Variants in LRBA observed in about 807,000 individuals in gnomAD.
The protein encoded by LRBA is lipopolysaccharide-responsive and beige-like anchor protein.
LRBA carries 176 observed loss-of-function variants against 330.0 expected under a neutral mutation model. The observed-to-expected ratio is 0.53, with a 90% CI of 0.47 to 0.60. The LOEUF (loss-of-function observed/expected upper bound fraction) is 0.60. LRBA is among the 20% of genes least tolerant of loss of function. The pLI is 0.00. For synonymous variants in LRBA, 1,230 were observed against 1,193.0 expected, an observed-to-expected ratio of 1.03 and a Z score of -0.64; for missense variants, 3,259 against 3,444.8, an observed-to-expected ratio of 0.95 and a Z score of 1.35.
intron 28 of LRBA, among the ~76,000 whole-genome samples, chr4:150,843,202 G>C (rs985617371): frequency 1.3e-5 from 2 of 151,884 alleles, no homozygotes; most frequent in African/African-American, 4.8e-5. Flanking sequence ...TACACAGTAA[G>C]TATTCAATAC....
At chr4:150,685,407 TATATATATATATA>T (rs1390066488) in intron 36 of LRBA, among the ~76,000 whole-genome samples, 28 of 18,000 alleles carry the variant, frequency 1.6e-3, no homozygotes, top group Non-Finnish European at 2.8e-3. Flanking sequence ...TATATATATA[TATATATATATATA>T]TTTTTTTTTT....
intron 40 of LRBA, chr4:150,580,117 G>C (rs1771096445): frequency 5.3e-6 from 1 of 187,252 alleles, no homozygotes; most frequent in Admixed American, 6.0e-5. Context: ...CTTAGGCGGC[G>C]AGGCGTTCCG....
intron 47 of LRBA, among the ~76,000 whole-genome samples, chr4:150,379,537 G>A (rs1232203964): frequency 1.3e-5 from 2 of 152,016 alleles, no homozygotes; most frequent in African/African-American, 4.8e-5. Flanking sequence ...TACATTTCAT[G>A]GTCAAAGACA....
chr4:150,333,752 C>T (rs567595069), intron 48 of LRBA, among the ~76,000 whole-genome samples: 5 of 152,126 alleles, frequency 3.3e-5, no homozygotes, highest in African/African-American at 4.8e-5. Flanking sequence ...TATGGTTCAA[C>T]TTTAGCTTCG....
chr4:150,524,548 G>A (rs1187813922), intron 40 of LRBA, among the ~76,000 whole-genome samples: 1 of 152,034 alleles, frequency 6.6e-6, no homozygotes, highest in Non-Finnish European at 1.5e-5. Flanking sequence ...GCATCATTCA[G>A]GAATTTTATA....
chr4:150,338,329 C>T (rs565468480), intron 48 of LRBA, among the ~76,000 whole-genome samples: 2 of 152,142 alleles, frequency 1.3e-5, no homozygotes, highest in Non-Finnish European at 2.9e-5. Flanking sequence ...TAATTAATTT[C>T]TGAACTCACA....
intron 37 of LRBA, among the ~76,000 whole-genome samples, chr4:150,636,927 C>A (rs185202708): frequency 1.2e-4 from 18 of 152,210 alleles, no homozygotes; most frequent in African/African-American, 4.1e-4. Context: ...GGATTACAGG[C>A]GTGAACTATC....
Position 150,366,989 on chromosome 4 carries a change from T to C in LRBA, c.7195-16830A>G, listed in dbSNP as rs189195796. On this transcript the variant is annotated intron_variant, in intron 47 of 56. Coordinates refer to ENST00000651943, the MANE Select transcript of LRBA (RefSeq NM_001364905.1). Reference sequence around the variant, plus strand: ...GGGGAAGAAAATAAAAGCTTCAAAGTAGAACTAATTTACTTTACTCCCCTA... The same window carrying C: ...GGGGAAGAAAATAAAAGCTTCAAAGCAGAACTAATTTACTTTACTCCCCTA... Among the ~76,000 whole-genome samples the C allele has an allele frequency of 3.4e-3, 521 of 152,256 alleles. 3 individuals carry two copies. Among genetic ancestry groups the C allele is most frequent in the Non-Finnish European group, 6.0e-3 (407 of 68,008 alleles).
At chr4:150,847,260 AAT>A (rs1272751678) in intron 26 of LRBA, among the ~76,000 whole-genome samples, 1 of 152,184 alleles carries the variant, frequency 6.6e-6, no homozygotes, top group Non-Finnish European at 1.5e-5. Context: ...GACAAATGAC[AAT>A]AGTCAATAAA....
intron 44 of LRBA, among the ~76,000 whole-genome samples, chr4:150,451,832 A>T (rs1753384161): frequency 6.6e-6 from 1 of 152,162 alleles, no homozygotes; most frequent in Non-Finnish European, 1.5e-5. Flanking sequence ...CTTAGATGAA[A>T]TAAACAAATT....
intron 56 of LRBA, among the ~76,000 whole-genome samples, chr4:150,270,313 CAA>C (rs954670626): frequency 2.2e-4 from 34 of 152,264 alleles, no homozygotes; most frequent in African/African-American, 8.2e-4. Flanking sequence ...AGAAACAACC[CAA>C]GTGTCCATCA....
chr4:150,497,311 A>C (rs576265391), intron 40 of LRBA, among the ~76,000 whole-genome samples: 30 of 152,170 alleles, frequency 2.0e-4, no homozygotes, highest in Non-Finnish European at 3.8e-4. Context: ...TTAAAATTCA[A>C]GGATATATTC....
At position 151,014,320 on chromosome 4, in the gene LRBA, G is replaced by T. The variant is rs144803488; in HGVS notation, c.216+107C>A. Reference sequence around the variant, plus strand: ...AGTAGAATTTTGTGTCCCTATACACGAAAAAAGTCACCATCAGTGTGAGTA... The same window carrying T: ...AGTAGAATTTTGTGTCCCTATACACTAAAAAAGTCACCATCAGTGTGAGTA... On this transcript the variant is annotated intron_variant, in intron 2 of 56. Coordinates refer to ENST00000651943, the MANE Select transcript of LRBA (RefSeq NM_001364905.1). 408 of 830,356 alleles carry T rather than the reference G, an allele frequency of 4.9e-4. 6 individuals carry two copies. In the East Asian group the frequency reaches 0.011, roughly 22 times the overall value. 51.4% of individuals were successfully genotyped at this position (830,356 alleles called of 1,614,324 possible). A position where few individuals can be genotyped will look rare whatever the true frequency, so the allele number is the denominator to read the frequency against.
At chr4:150,448,099 T>C (rs1213317387) in intron 44 of LRBA, among the ~76,000 whole-genome samples, 1 of 152,152 alleles carries the variant, frequency 6.6e-6, no homozygotes, top group East Asian at 1.9e-4. Flanking sequence ...CTTAAACAAA[T>C]CGCTGATTCT....
At chr4:150,562,135 T>C (rs1308388244) in intron 40 of LRBA, among the ~76,000 whole-genome samples, 1 of 152,166 alleles carries the variant, frequency 6.6e-6, no homozygotes, top group African/African-American at 2.4e-5. Context: ...CCTGAGCTTC[T>C]TGGCTCTAGC....
At chr4:150,642,491 T>C (rs1303010960) in intron 37 of LRBA, among the ~76,000 whole-genome samples, 1 of 151,878 alleles carries the variant, frequency 6.6e-6, no homozygotes, top group Non-Finnish European at 1.5e-5. Context: ...ATAGACATAA[T>C]AGCTGTGAAG....
In LRBA at chr4:150,549,309, C is replaced by CTTTAT. The variant is rs146271128; in HGVS notation, c.6330+38734_6330+38738dup. ...ATTCTGTCATGTAGAATAATTGTTG[C>CTTTAT]TTTATTTTATTTTATTTTATTTTAT... is the stretch of plus-strand genomic sequence containing the variant. On this transcript the variant is annotated intron_variant, in intron 40 of 56. Coordinates refer to ENST00000651943, the MANE Select transcript of LRBA (RefSeq NM_001364905.1). Among the ~76,000 whole-genome samples the CTTTAT allele has an allele frequency of 5.0e-3, 759 of 150,976 alleles. 8 individuals are homozygous for CTTTAT. Among genetic ancestry groups the CTTTAT allele is most frequent in the African/African-American group, 0.016 (660 of 41,226 alleles).
At chr4:150,328,474 A>G (rs1422515455) in intron 48 of LRBA, among the ~76,000 whole-genome samples, 6 of 152,138 alleles carry the variant, frequency 3.9e-5, no homozygotes, top group African/African-American at 1.4e-4. Flanking sequence ...TTTTGAAATG[A>G]AATATCACAT....
chr4:150,799,877 T>C (rs1741344546), intron 33 of LRBA, among the ~76,000 whole-genome samples: 1 of 152,182 alleles, frequency 6.6e-6, no homozygotes, highest in Non-Finnish European at 1.5e-5. Context: ...CCCGAGTAGC[T>C]GGAATTACAG....
Sources: gnomAD v4.1 joint callset for allele counts (sites outside exome capture counted in the v4.1 genomes callset) on GRCh38, gnomAD v4.1.1 for gene constraint, MANE v1.5 for transcripts, NCBI Gene and HGNC (gene_info 2026-07-23, HGNC 2026-07-21) for gene names.